FGF12: variants seen among roughly 807,000 people sequenced by gnomAD.
The protein encoded by FGF12 is fibroblast growth factor 12.
FGF12 carries 14 observed loss-of-function variants against 23.6 expected under a neutral mutation model. The observed-to-expected ratio is 0.59, with a 90% CI of 0.39 to 0.93. The LOEUF (loss-of-function observed/expected upper bound fraction) is 0.93. Among genes scored for constraint, FGF12 ranks in the 40% least tolerant of loss-of-function variants. FGF12 has a pLI of 0.00. For missense variants in FGF12, 175 were observed against 217.8 expected (o/e 0.80, Z 1.24); for synonymous variants, 62 against 77.3 (o/e 0.80, Z 1.04).
At chr3:192,520,106 T>C (rs1724779720) in intron 2 of FGF12, among the ~76,000 whole-genome samples, 2 of 152,218 alleles carry the variant, frequency 1.3e-5, no homozygotes, top group South Asian at 2.1e-4. Context: ...TGGGGTGTTA[T>C]TGCTCTCAGG....
chr3:192,251,111 C>T (rs1010922451), intron 4 of FGF12, among the ~76,000 whole-genome samples: 4 of 152,080 alleles, frequency 2.6e-5, no homozygotes, highest in African/African-American at 9.7e-5. Flanking sequence ...AAATCTGTAC[C>T]CTTTGTCACT....
At chr3:192,379,924 G>C (rs1719745028) in intron 2 of FGF12, among the ~76,000 whole-genome samples, 1 of 152,126 alleles carries the variant, frequency 6.6e-6, no homozygotes, top group South Asian at 2.1e-4. Context: ...GTAGTGATAA[G>C]ACATTGACTT....
chr3:192,727,116 G>T lies in FGF12; in HGVS notation c.13+65C>A, dbSNP rs79987219. The T allele has an allele frequency of 0.038, 59,477 of 1,547,758 alleles. 2,625 individuals are homozygous for T. The highest frequency in any genetic ancestry group is 0.21 in the East Asian group (8,499 of 41,166). The stretch of plus-strand genomic sequence containing the variant: ...GCTCCCCAAGCACTGCAGTCCCCTC[G>T]CCGAGGATTGCCTTGGCCACACGCA... On this transcript the variant is annotated intron_variant, in intron 2 of 5. Coordinates refer to ENST00000445105, the MANE Select transcript of FGF12 (RefSeq NM_004113.6).
chr3:192,205,161 GA>G (rs1271855836), intron 4 of FGF12, among the ~76,000 whole-genome samples: 1 of 152,130 alleles, frequency 6.6e-6, no homozygotes, highest in African/African-American at 2.4e-5. Context: ...ATCTAATTTA[GA>G]AAATCTCTTA....
chr3:192,645,523 T>C (rs1715970453), intron 2 of FGF12, among the ~76,000 whole-genome samples: 1 of 151,990 alleles, frequency 6.6e-6, no homozygotes, highest in African/African-American at 2.4e-5. Flanking sequence ...AGAAAGATAA[T>C]GAGTCCAGTT....
intron 2 of FGF12, among the ~76,000 whole-genome samples, chr3:192,636,451 C>G (rs1204155317): frequency 6.6e-6 from 1 of 152,214 alleles, no homozygotes; most frequent in Non-Finnish European, 1.5e-5. Context: ...CCACTATAAA[C>G]TACCACCATT....
At position 192,522,066 on chromosome 3, in the gene FGF12, C is replaced by T. The variant is rs995465581; in HGVS notation, c.14-161528G>A. Reference sequence around the variant, plus strand: ...AGTAAATATTAGCCGAGCGCGGTGGCGGGCGCCTGTAGTCCCAGCTACTCG... The same window carrying T: ...AGTAAATATTAGCCGAGCGCGGTGGTGGGCGCCTGTAGTCCCAGCTACTCG... On this transcript the variant is annotated intron_variant, in intron 2 of 5. Coordinates refer to ENST00000445105, the MANE Select transcript of FGF12 (RefSeq NM_004113.6). Among the ~76,000 whole-genome samples the T allele has an allele frequency of 2.1e-4, 32 of 152,076 alleles. 1 individual carries two copies. Among genetic ancestry groups the T allele is most frequent in the Non-Finnish European group, 1.6e-4 (11 of 67,994 alleles).
At position 192,534,534 on chromosome 3, in the gene FGF12, T is replaced by TC. The variant is rs1290323947; in HGVS notation, c.14-173997_14-173996insG. On this transcript the variant is annotated intron_variant, in intron 2 of 5. Transcript: ENST00000445105. ...TCTCAGCCTCCCAAGTAGATGGGACTATAGGTGCATGCCACCACACCTAAT... is the reference window on the plus strand; with the variant it reads ...TCTCAGCCTCCCAAGTAGATGGGACTCATAGGTGCATGCCACCACACCTAAT... Among the ~76,000 whole-genome samples the TC allele has an allele frequency of 2.0e-5, 3 of 152,216 alleles. No homozygotes were observed. The East Asian group carries it at 5.8e-4, about 29-fold the overall frequency.
At chr3:192,646,861 G>A (rs1040908668) in intron 2 of FGF12, among the ~76,000 whole-genome samples, 1 of 152,052 alleles carries the variant, frequency 6.6e-6, no homozygotes, top group African/African-American at 2.4e-5. Context: ...AAACTTTACG[G>A]TATGTAAATT....
chr3:192,253,927 A>G (rs918682079), intron 4 of FGF12, among the ~76,000 whole-genome samples: 2 of 152,092 alleles, frequency 1.3e-5, no homozygotes, highest in Non-Finnish European at 2.9e-5. Flanking sequence ...TAAAAAATGT[A>G]TATATTTATC....
intron 2 of FGF12, chr3:192,726,900 C>T: frequency 1.9e-6 from 1 of 515,694 alleles, no homozygotes; most frequent in Non-Finnish European, 3.5e-6. Context: ...ACCTCCTCCT[C>T]CTCCTCCATT....
chr3:192,345,410 G>A (rs1302628533), intron 3 of FGF12, among the ~76,000 whole-genome samples: 1 of 42,820 alleles, frequency 2.3e-5, no homozygotes, highest in Non-Finnish European at 3.4e-5. Flanking sequence ...AACATAGGCC[G>A]GGCGCGGTGG....
At chr3:192,154,639 C>G (rs1288928856) in intron 5 of FGF12, among the ~76,000 whole-genome samples, 1 of 149,152 alleles carries the variant, frequency 6.7e-6, no homozygotes, top group East Asian at 2.0e-4. Flanking sequence ...GGTCAGGGGT[C>G]AGGGACCCAC....
intron 4 of FGF12, among the ~76,000 whole-genome samples, chr3:192,228,511 G>T (rs1718853405): frequency 6.6e-6 from 1 of 152,050 alleles, no homozygotes; most frequent in African/African-American, 2.4e-5. Flanking sequence ...ATGTCAACTT[G>T]TCAAGGCGCG....
chr3:192,178,701 T>C (rs1166364178), intron 4 of FGF12, among the ~76,000 whole-genome samples: 1 of 152,200 alleles, frequency 6.6e-6, no homozygotes, highest in Non-Finnish European at 1.5e-5. Context: ...TTTCACCCTG[T>C]TGGCCAGACG....
At chr3:192,712,357 A>C (rs1331713026) in intron 2 of FGF12, among the ~76,000 whole-genome samples, 5 of 152,056 alleles carry the variant, frequency 3.3e-5, no homozygotes, top group Non-Finnish European at 5.9e-5. Context: ...GAGATTAAAG[A>C]ATTAAAGAAA....
Position 192,213,880 on chromosome 3 carries a change from C to T in FGF12, c.229-43224G>A, listed in dbSNP as rs1365695719. 4.6e-5 allele frequency among the ~76,000 whole-genome samples: 7 copies of T among 152,250 alleles called. 1 individual carries two copies. Among genetic ancestry groups the T allele is most frequent in the Middle Eastern group, 6.8e-3 (2 of 294 alleles). On this transcript the variant is annotated intron_variant, in intron 4 of 5. Coordinates refer to ENST00000445105, the MANE Select transcript of FGF12 (RefSeq NM_004113.6). ...CAATGCAGCTTTCAGTTTCACTGAC[C>T]GTTGTGGAAGCTGTGGGCATTTGAC...
At chr3:192,597,208 T>A (rs905898475) in intron 2 of FGF12, among the ~76,000 whole-genome samples, 3 of 152,192 alleles carry the variant, frequency 2.0e-5, no homozygotes, top group South Asian at 2.1e-4. Flanking sequence ...GCTAGGACTG[T>A]TAGGATTTGA....
chr3:192,416,753 T>G (rs1391205487), intron 2 of FGF12, among the ~76,000 whole-genome samples: 1 of 152,048 alleles, frequency 6.6e-6, no homozygotes, highest in Non-Finnish European at 1.5e-5. Flanking sequence ...AAAACAATAT[T>G]CCCCTGTGCC....
Sources: gnomAD v4.1 joint callset for allele counts (sites outside exome capture counted in the v4.1 genomes callset) on GRCh38, gnomAD v4.1.1 for gene constraint, MANE v1.5 for transcripts, NCBI Gene and HGNC (gene_info 2026-07-23, HGNC 2026-07-21) for gene names.